The following DOCK1 variants were observed in gnomAD, a reference collection of about 807,000 sequenced individuals.
DOCK1 encodes the protein dedicator of cytokinesis protein 1.
DOCK1 carries 138 observed loss-of-function variants against 262.7 expected under a neutral mutation model. That is an observed-to-expected ratio of 0.53 (90% CI 0.46 to 0.61). The LOEUF (loss-of-function observed/expected upper bound fraction) is 0.61, where lower values mean the gene tolerates loss of function less well. Ranked by LOEUF, DOCK1 falls within the 20% of genes least tolerant of loss-of-function variation. DOCK1 has a pLI of 0.00. For missense variants in DOCK1, 1,908 were observed against 2,370.7 expected (o/e 0.80, Z 4.05); for synonymous variants, 866 against 867.4 (o/e 1.00, Z 0.03).
At chr10:127,036,034 AT>A (rs1436069695) in intron 18 of DOCK1, among the ~76,000 whole-genome samples, 31 of 150,144 alleles carry the variant, frequency 2.1e-4, no homozygotes, top group East Asian at 3.9e-4. Flanking sequence ...AAATAAATAA[AT>A]AAATAAATAA....
At chr10:127,225,426 T>G (rs2058599363) in intron 27 of DOCK1, among the ~76,000 whole-genome samples, 1 of 152,236 alleles carries the variant, frequency 6.6e-6, no homozygotes, top group South Asian at 2.1e-4. Flanking sequence ...TTCCGTGGGT[T>G]TCATTCTTTC....
At chr10:127,096,795 G>T (rs145834100) in intron 23 of DOCK1, among the ~76,000 whole-genome samples, 1 of 151,838 alleles carries the variant, frequency 6.6e-6, no homozygotes, top group Admixed American at 6.6e-5. Context: ...AATTACATTT[G>T]CTTAGAGACG....
intron 30 of DOCK1, among the ~76,000 whole-genome samples, chr10:127,342,308 T>C (rs931721849): frequency 1.8e-4 from 27 of 152,084 alleles, no homozygotes; most frequent in African/African-American, 6.5e-4. Context: ...ACGACTTGTA[T>C]TTTATTGACT....
At chr10:127,032,412 A>G in intron 18 of DOCK1, 92 bp downstream of exon 18, 1 of 1,361,340 alleles carries the variant, frequency 7.3e-7, no homozygotes, top group Non-Finnish European at 9.7e-7. Flanking sequence ...TGTGCTCCGT[A>G]GGTGCATGAA....
intron 10 of DOCK1, among the ~76,000 whole-genome samples, chr10:127,007,753 G>A (rs113727199): frequency 6.6e-6 from 1 of 152,302 alleles, no homozygotes; most frequent in African/African-American, 2.4e-5. Flanking sequence ...CAGTTTAATA[G>A]GATTGAAAGA....
intron 27 of DOCK1, among the ~76,000 whole-genome samples, chr10:127,195,554 T>G (rs769463332): frequency 1.3e-5 from 2 of 149,322 alleles, no homozygotes. Flanking sequence ...GCCGTACTTG[T>G]ACTTTCCAGG....
chr10:127,116,866 G>A (rs2049216479), intron 25 of DOCK1, among the ~76,000 whole-genome samples: 1 of 152,128 alleles, frequency 6.6e-6, no homozygotes, highest in Non-Finnish European at 1.5e-5. Context: ...TTGTGCTGAT[G>A]ACTTCTGATG....
chr10:127,192,864 G>C (rs1056961203), intron 27 of DOCK1: 1 of 152,140 alleles, frequency 6.6e-6, no homozygotes, highest in African/African-American at 2.4e-5. Flanking sequence ...TTTGGTTCCT[G>C]CAAGTCTGTA....
chr10:126,919,633 C>T (rs1044329084), intron 1 of DOCK1, among the ~76,000 whole-genome samples: 6 of 152,142 alleles, frequency 3.9e-5, no homozygotes, highest in East Asian at 1.9e-4. Context: ...GCTCTGTGGC[C>T]GTCAGCCCGT....
At chr10:127,373,922 C>T (rs369297942) in intron 34 of DOCK1, 56 bp downstream of exon 34, 16 of 1,555,198 alleles carry the variant, frequency 1.0e-5, no homozygotes, top group African/African-American at 4.1e-5. Flanking sequence ...ACAGAGAGAC[C>T]GTAATTAGAC....
chr10:127,136,128 A>G (rs1012798302), intron 27 of DOCK1: 1 of 152,298 alleles, frequency 6.6e-6, no homozygotes, highest in African/African-American at 2.4e-5. Flanking sequence ...GTTTTAAATT[A>G]AAGCATACAA....
intron 38 of DOCK1, among the ~76,000 whole-genome samples, chr10:127,391,154 G>A (rs544904230): frequency 1.1e-4 from 16 of 152,184 alleles, no homozygotes; most frequent in Non-Finnish European, 1.9e-4. Context: ...CTCAAGTCTG[G>A]AAAGAATAAA....
chr10:126,925,657 C>A (rs2033642273), intron 1 of DOCK1, among the ~76,000 whole-genome samples: 1 of 152,058 alleles, frequency 6.6e-6, no homozygotes, highest in Non-Finnish European at 1.5e-5. Context: ...GCTGGGATTA[C>A]AGGCGTGAGC....
chr10:127,183,167 A>C (rs537025049), intron 27 of DOCK1, among the ~76,000 whole-genome samples: 24 of 151,932 alleles, frequency 1.6e-4, no homozygotes, highest in Non-Finnish European at 2.4e-4. Flanking sequence ...TTCCCCCCTA[A>C]AAATGACTTA....
chr10:127,262,115 G>T (rs1414512454), intron 29 of DOCK1, among the ~76,000 whole-genome samples: 55 of 110,596 alleles, frequency 5.0e-4, no homozygotes, highest in Middle Eastern at 7.8e-3. Context: ...TGTGCATGTG[G>T]GTGTGTGTGT....
chr10:127,444,506 A>G (rs2070404141), intron 50 of DOCK1, among the ~76,000 whole-genome samples: 1 of 152,050 alleles, frequency 6.6e-6, no homozygotes, highest in African/African-American at 2.4e-5. Context: ...GGAGGGGCAG[A>G]AAGTGCAGGG....
chr10:126,982,442 A>G (rs1383390390), intron 4 of DOCK1, among the ~76,000 whole-genome samples: 1 of 152,178 alleles, frequency 6.6e-6, no homozygotes, highest in Non-Finnish European at 1.5e-5. Context: ...AGAGGTCATA[A>G]AACTGATGTA....
At chr10:127,184,995 C>T (rs1025956125) in intron 27 of DOCK1, among the ~76,000 whole-genome samples, 2 of 152,126 alleles carry the variant, frequency 1.3e-5, no homozygotes, top group Non-Finnish European at 2.9e-5. Flanking sequence ...CACGTTGATG[C>T]CTGACACCAG....
chr10:127,089,384 C>T (rs1008702954), intron 23 of DOCK1, among the ~76,000 whole-genome samples: 2 of 152,148 alleles, frequency 1.3e-5, no homozygotes, highest in South Asian at 4.1e-4. Flanking sequence ...GGGCCTCTTG[C>T]GCCTCCTCCA....
Sources: gnomAD v4.1 joint callset for allele counts (sites outside exome capture counted in the v4.1 genomes callset) on GRCh38, gnomAD v4.1.1 for gene constraint, MANE v1.5 for transcripts, NCBI Gene and HGNC (gene_info 2026-07-23, HGNC 2026-07-21) for gene names.